ANO1: variants seen among roughly 807,000 people sequenced by gnomAD.
ANO1 encodes anoctamin 1.
Under a neutral mutation model 124.0 loss-of-function variants are expected in ANO1, and 59 were observed. That is an observed-to-expected ratio of 0.48 (90% CI 0.39 to 0.59). The LOEUF (loss-of-function observed/expected upper bound fraction) is 0.59, where lower values mean the gene tolerates loss of function less well. ANO1 is among the 20% of genes least tolerant of loss of function. The pLI is 0.00. For missense variants in ANO1, 1,059 were observed against 1,328.0 expected (o/e 0.80, Z 3.15); for synonymous variants, 529 against 532.0 (o/e 0.99, Z 0.08).
intron 1 of ANO1, among the ~76,000 whole-genome samples, chr11:70,019,878 G>A (rs1420890006): frequency 1.3e-5 from 2 of 152,352 alleles, no homozygotes; most frequent in African/African-American, 2.4e-5. Flanking sequence ...ACTGAAAACC[G>A]TCATCTTCCT....
the ANO1 span, among the ~76,000 whole-genome samples, chr11:69,973,896 C>A: frequency 6.6e-6 from 1 of 151,432 alleles, no homozygotes; most frequent in East Asian, 1.9e-4. Context: ...TGGATTCCTT[C>A]TGGTTTCAAA....
chr11:70,120,106 C>A (rs2509140), intron 8 of ANO1, among the ~76,000 whole-genome samples: 61,577 of 151,870 alleles, frequency 0.41, 13,058 homozygotes, highest in East Asian at 0.56. Context: ...ACGTGCCTGA[C>A]CCTGGATACC....
chr11:70,182,684 C>T lies in ANO1; in HGVS notation c.2586C>T (p.Cys862=), dbSNP rs758983866. 4 of 1,583,602 alleles carry T rather than the reference C, an allele frequency of 2.5e-6. No individual in the cohort carries two copies. In the Admixed American group the frequency reaches 7.1e-5, roughly 28 times the overall value. The stretch of plus-strand genomic sequence containing the variant: ...ACCTGGGCTACGAGGTGCAGATCTG[C>T]AGGTACTGCTCTCTGCTCCCCTCTT... ...PLDLGYEVQI[C]RYKDYREPPW... is the part of the protein sequence containing the mutation. The change falls in exon 24 of 26, where the codon TGC becomes TGT. Residue 862 remains cysteine (C), a splice_region_variant and synonymous_variant. Transcript: ENST00000355303.
At chr11:70,039,307 G>A (rs1377725350) in intron 1 of ANO1, among the ~76,000 whole-genome samples, 2 of 152,076 alleles carry the variant, frequency 1.3e-5, no homozygotes, top group Non-Finnish European at 2.9e-5. Flanking sequence ...GCTTTCTTTG[G>A]ACCCAAGAGC....
chr11:70,057,929 GC>G (rs766721482), intron 1 of ANO1, among the ~76,000 whole-genome samples: 7 of 152,182 alleles, frequency 4.6e-5, no homozygotes, highest in Non-Finnish European at 8.8e-5. Context: ...TGTTGGGGCA[GC>G]AAAAAATTTT....
intron 2 of ANO1, among the ~76,000 whole-genome samples, chr11:70,101,734 T>G (rs545294033): frequency 6.6e-6 from 1 of 152,256 alleles, no homozygotes; most frequent in East Asian, 1.9e-4. Context: ...CTGGTCGCTC[T>G]GCACCCGGAG....
chr11:70,053,825 C>T (rs782043768), intron 1 of ANO1, among the ~76,000 whole-genome samples: 22 of 152,000 alleles, frequency 1.4e-4, no homozygotes, highest in Non-Finnish European at 2.1e-4. Context: ...GTTCTCTTTG[C>T]AAAAACAATT....
intron 6 of ANO1, among the ~76,000 whole-genome samples, chr11:70,110,855 C>T (rs1431423044): frequency 6.6e-6 from 1 of 152,276 alleles, no homozygotes; most frequent in African/African-American, 2.4e-5. Flanking sequence ...CCACACATGG[C>T]CCTGGCTTTC....
Position 70,149,704 on chromosome 11 carries a change from C to T in ANO1, c.1259-6C>T, listed in dbSNP as rs2047522451. The T allele has an allele frequency of 1.2e-6, 2 of 1,613,158 alleles. No homozygotes were observed. Among genetic ancestry groups the T allele is most frequent in the East Asian group, 4.5e-5 (2 of 44,858 alleles). ...TCAGAGACTCTGGTTTTGCCCCTGC[C>T]CGCAGCTGCCACCTTCATGGAGCAC... is the stretch of plus-strand genomic sequence containing the variant. On this transcript the variant is annotated splice_region_variant and splice_polypyrimidine_tract_variant and intron_variant, in intron 11 of 25. Coordinates refer to ENST00000355303, the MANE Select transcript of ANO1 (RefSeq NM_018043.7).
At chr11:70,071,376 A>G (rs1158862534) in intron 1 of ANO1, among the ~76,000 whole-genome samples, 2 of 152,234 alleles carry the variant, frequency 1.3e-5, no homozygotes, top group Non-Finnish European at 2.9e-5. Context: ...GTCACTGCAG[A>G]AATCTTACAA....
At chr11:70,080,132 T>A (rs1274502490) in intron 1 of ANO1, among the ~76,000 whole-genome samples, 1 of 152,236 alleles carries the variant, frequency 6.6e-6, no homozygotes, top group Non-Finnish European at 1.5e-5. Context: ...TTACCCGTTA[T>A]CCACGGCAGT....
At chr11:70,137,186 G>A (rs2509180) in intron 11 of ANO1, among the ~76,000 whole-genome samples, 20,787 of 146,794 alleles carry the variant, frequency 0.14, 3,187 homozygotes, top group Middle Eastern at 0.19. Context: ...TGTCACCGCT[G>A]AAGCACACGT....
intron 1 of ANO1, among the ~76,000 whole-genome samples, chr11:70,010,618 G>A (rs1856584891): frequency 2.0e-5 from 3 of 152,244 alleles, no homozygotes; most frequent in African/African-American, 7.2e-5. Context: ...AAAGACAGGG[G>A]CTGCAGAGAG....
At chr11:70,058,132 A>G (rs530735164) in intron 1 of ANO1, among the ~76,000 whole-genome samples, 1 of 152,296 alleles carries the variant, frequency 6.6e-6, no homozygotes, top group South Asian at 2.1e-4. Flanking sequence ...GTGGTTTTGT[A>G]TGAATTGAGA....
At position 70,170,982 on chromosome 11, in the gene ANO1, G is replaced by A. The variant is rs765220721; in HGVS notation, c.2293G>A (p.Ala765Thr). Residue 765 changes from alanine to threonine, a missense_variant, in exon 22 of 26, where the codon GCC (alanine) becomes ACC (threonine). By Grantham distance (58) the Ala-to-Thr change is moderately conservative (BLOSUM62 0). Transcript: ENST00000355303. ...LNNIIEIRLD[A>T]KKFVTELRRP... ...CAACATCATCGAGATCCGCCTGGAC[G>A]CCAAAAAGTTTGTCACTGAGCTCCG... 3 of 1,612,866 alleles carry A rather than the reference G, an allele frequency of 1.9e-6. No homozygotes were observed. The highest frequency in any genetic ancestry group is 2.5e-6 in the Non-Finnish European group (3 of 1,179,436).
chr11:70,006,912 C>T (rs1226841641), intron 1 of ANO1, among the ~76,000 whole-genome samples: 10 of 152,082 alleles, frequency 6.6e-5, no homozygotes, highest in South Asian at 2.1e-4. Context: ...TCAGGTGATC[C>T]GCCCGCCTCG....
chr11:69,990,317 A>G (rs1554997301), intron 1 of ANO1, among the ~76,000 whole-genome samples: 2 of 152,220 alleles, frequency 1.3e-5, no homozygotes, highest in African/African-American at 4.8e-5. Context: ...GTTGTAGCAT[A>G]TATCAGTAAT....
the ANO1 span, among the ~76,000 whole-genome samples, chr11:69,979,660 T>C: frequency 6.6e-6 from 1 of 152,162 alleles, no homozygotes; most frequent in Non-Finnish European, 1.5e-5. Flanking sequence ...AAAGCCTGCG[T>C]AACACACAGA....
At chr11:70,054,210 A>C (rs369715488) in intron 1 of ANO1, among the ~76,000 whole-genome samples, 29 of 152,092 alleles carry the variant, frequency 1.9e-4, no homozygotes, top group African/African-American at 6.8e-4. Flanking sequence ...GGGCCCACAC[A>C]CCCCTTCCGA....
Sources: allele counts gnomAD v4.1 joint callset (sites outside exome capture counted in the v4.1 genomes callset), GRCh38; gene constraint gnomAD v4.1.1; transcripts MANE v1.5; gene names NCBI Gene and HGNC (gene_info 2026-07-23, HGNC 2026-07-21).